Variants in ASIC2 observed in about 807,000 individuals in gnomAD.
The protein encoded by ASIC2 is acid sensing ion channel subunit 2, also known as acid-sensing ion channel 2.
A neutral mutation model predicts 57.3 loss-of-function variants in ASIC2; 25 were observed. That is an observed-to-expected ratio of 0.44 (90% confidence interval 0.32 to 0.61). ASIC2 has a LOEUF of 0.61. Ranked by LOEUF, ASIC2 falls within the 20% of genes least tolerant of loss-of-function variation. ASIC2 has a pLI of 0.06. For missense variants in ASIC2, 641 were observed against 738.1 expected (o/e 0.87, Z 1.52); for synonymous variants, 319 against 307.5 (o/e 1.04, Z -0.39).
intron 1 of ASIC2, among the ~76,000 whole-genome samples, chr17:33,923,818 G>A (rs554696769): frequency 6.6e-4 from 101 of 152,236 alleles, no homozygotes; most frequent in African/African-American, 1.1e-3. Context: ...GAGGAGGGGC[G>A]TCCTGAGTTC....
At chr17:33,017,555 T>A in intron 8 of ASIC2, 50 bp downstream of exon 8, 2 of 1,510,336 alleles carry the variant, frequency 1.3e-6, no homozygotes, top group Non-Finnish European at 1.8e-6. Context: ...TGGGGCACGA[T>A]GAGGGCACCA....
chr17:33,164,576 G>GCGCGCA (rs386418951), intron 1 of ASIC2, among the ~76,000 whole-genome samples: 20 of 149,782 alleles, frequency 1.3e-4, no homozygotes, highest in African/African-American at 4.7e-4. Flanking sequence ...GCACATGCAC[G>GCGCGCA]CACACACACA....
At chr17:33,863,295 G>C (rs78992704) in intron 1 of ASIC2, among the ~76,000 whole-genome samples, 1 of 152,372 alleles carries the variant, frequency 6.6e-6, no homozygotes, top group African/African-American at 2.4e-5. Flanking sequence ...GAGTAGCTCA[G>C]CCGCAGTTCA....
At chr17:33,731,798 A>T (rs1006663252) in intron 1 of ASIC2, among the ~76,000 whole-genome samples, 1 of 152,146 alleles carries the variant, frequency 6.6e-6, no homozygotes, top group Non-Finnish European at 1.5e-5. Context: ...CTCCTCTTCA[A>T]TGTGCCCACA....
intron 1 of ASIC2, among the ~76,000 whole-genome samples, chr17:33,113,898 C>G (rs1168379426): frequency 6.6e-6 from 1 of 152,184 alleles, no homozygotes; most frequent in African/African-American, 2.4e-5. Flanking sequence ...CTGTGCTGTC[C>G]TGGGAGGGAC....
At chr17:33,080,131 C>T (rs910290791) in intron 3 of ASIC2, among the ~76,000 whole-genome samples, 1 of 152,080 alleles carries the variant, frequency 6.6e-6, no homozygotes, top group African/African-American at 2.4e-5. Flanking sequence ...GAGGACAATA[C>T]AGCAACCTGG....
intron 1 of ASIC2, among the ~76,000 whole-genome samples, chr17:33,667,231 G>A (rs1036291353): frequency 7.2e-5 from 11 of 152,192 alleles, no homozygotes; most frequent in African/African-American, 2.2e-4. Flanking sequence ...CCAAGGGCAC[G>A]CTTAGACGCA....
chr17:33,839,058 G>A lies in ASIC2; in HGVS notation c.555+316920C>T, dbSNP rs117496688. Among the ~76,000 whole-genome samples the A allele has an allele frequency of 7.2e-4, 110 of 152,292 alleles. 1 individual carries two copies. In the East Asian group the frequency reaches 0.013, roughly 18 times the overall value. ...GCATGCACCACACTTTAAAGAATAA[G>A]ATGCAATTGATTCTGTATAAGTTCC... On this transcript the variant is annotated intron_variant, in intron 1 of 9. Transcript: ENST00000359872.
chr17:34,050,590 T>C (rs2142052967), intron 1 of ASIC2, among the ~76,000 whole-genome samples: 1 of 152,336 alleles, frequency 6.6e-6, no homozygotes, highest in Middle Eastern at 3.4e-3. Context: ...AAAACTGATA[T>C]CTATTTTTAG....
At chr17:33,942,125 G>A (rs993564403) in intron 1 of ASIC2, among the ~76,000 whole-genome samples, 1 of 152,162 alleles carries the variant, frequency 6.6e-6, no homozygotes, top group Non-Finnish European at 1.5e-5. Context: ...ATGAGAGGTC[G>A]CCAGTTGGGG....
At chr17:33,907,467 C>T (rs1174091990) in intron 1 of ASIC2, among the ~76,000 whole-genome samples, 2 of 152,160 alleles carry the variant, frequency 1.3e-5, no homozygotes, top group African/African-American at 4.8e-5. Context: ...CTGCTTGCTT[C>T]TCAATGGTCT....
intron 1 of ASIC2, among the ~76,000 whole-genome samples, chr17:34,121,942 C>G (rs1407531057): frequency 1.3e-5 from 2 of 152,180 alleles, no homozygotes; most frequent in Non-Finnish European, 2.9e-5. Context: ...CTATGATGCC[C>G]TTCTCTGCAC....
At chr17:33,846,781 G>A (rs115151424) in intron 1 of ASIC2, among the ~76,000 whole-genome samples, 2,887 of 150,966 alleles carry the variant, frequency 0.019, 98 homozygotes, top group African/African-American at 0.067. Flanking sequence ...CTGGAGTGCA[G>A]TGGCACGATC....
intron 1 of ASIC2, among the ~76,000 whole-genome samples, chr17:33,443,709 C>A (rs1337459029): frequency 1.3e-5 from 2 of 151,864 alleles, no homozygotes; most frequent in Admixed American, 6.6e-5. Flanking sequence ...AGCCACCGCG[C>A]CCGGCCGGAG....
At chr17:33,495,444 T>G (rs555764750) in intron 1 of ASIC2, among the ~76,000 whole-genome samples, 1 of 152,286 alleles carries the variant, frequency 6.6e-6, no homozygotes, top group African/African-American at 2.4e-5. Context: ...AGGAGCATGA[T>G]CCCAAGTCTC....
chr17:33,522,324 A>G (rs1041495752), intron 1 of ASIC2, among the ~76,000 whole-genome samples: 1 of 152,220 alleles, frequency 6.6e-6, no homozygotes, highest in Non-Finnish European at 1.5e-5. Flanking sequence ...CTACATTTGC[A>G]GAGCATTCGG....
At chr17:33,901,726 A>C (rs913758817) in intron 1 of ASIC2, among the ~76,000 whole-genome samples, 2 of 152,164 alleles carry the variant, frequency 1.3e-5, no homozygotes, top group Non-Finnish European at 2.9e-5. Flanking sequence ...GATGGCATAG[A>C]AAATCTTGTG....
chr17:33,292,442 T>G lies in ASIC2; in HGVS notation c.-327A>C. 2.0e-6 allele frequency: 2 copies of G among 985,562 alleles called. No individual in the cohort carries two copies. Among genetic ancestry groups the G allele is most frequent in the South Asian group, 4.7e-5 (1 of 21,284 alleles). The allele number at this position is 985,562 out of a possible 1,614,324, so 61.1% of individuals were successfully genotyped here. A position where few individuals can be genotyped will look rare whatever the true frequency, so the allele number is the denominator to read the frequency against. On this transcript the variant is annotated 5_prime_UTR_variant, in exon 1 of 10. Coordinates refer to ENST00000225823, the MANE Select transcript of ASIC2 (RefSeq NM_183377.2). Reference sequence around the variant, plus strand: ...GGCACTACTTCTGGAGGGGTCCCACTGGGAGCCGCCTCTCCAGTCCCTGGG... The same window carrying G: ...GGCACTACTTCTGGAGGGGTCCCACGGGGAGCCGCCTCTCCAGTCCCTGGG...
intron 1 of ASIC2, among the ~76,000 whole-genome samples, chr17:33,332,221 G>T (rs1431121815): frequency 6.6e-6 from 1 of 152,188 alleles, no homozygotes; most frequent in Non-Finnish European, 1.5e-5. Flanking sequence ...AGAGCTACTT[G>T]CTACCAGCGC....
Sources: gnomAD v4.1 joint callset for allele counts (sites outside exome capture counted in the v4.1 genomes callset) on GRCh38, gnomAD v4.1.1 for gene constraint, MANE v1.5 for transcripts, NCBI Gene and HGNC (gene_info 2026-07-23, HGNC 2026-07-21) for gene names.